The following SLC25A12 variants were observed in gnomAD, a reference collection of about 807,000 sequenced individuals.
The protein encoded by SLC25A12 is electrogenic aspartate/glutamate antiporter SLC25A12, mitochondrial.
In SLC25A12, 32 loss-of-function variants were observed where a neutral mutation model predicts 83.3. The ratio of observed to expected loss-of-function variants is 0.38; its 90% CI spans 0.29 to 0.52. The LOEUF (loss-of-function observed/expected upper bound fraction) is 0.52. Ranked by LOEUF, SLC25A12 falls within the 20% of genes least tolerant of loss-of-function variation. The pLI, the probability that SLC25A12 is intolerant of heterozygous loss-of-function variation, is 0.84. For missense variants in SLC25A12, 611 were observed against 835.6 expected (o/e 0.73, Z 3.31); for synonymous variants, 267 against 291.1 (o/e 0.92, Z 0.84).
chr2:171,810,543 G>A (rs545208294), intron 11 of SLC25A12, among the ~76,000 whole-genome samples: 1 of 152,280 alleles, frequency 6.6e-6, no homozygotes, highest in South Asian at 2.1e-4. Flanking sequence ...TTCCCAAAAA[G>A]TCCATGAAGA....
chr2:171,824,805 T>A (rs1684265306), intron 9 of SLC25A12, among the ~76,000 whole-genome samples: 1 of 151,846 alleles, frequency 6.6e-6, no homozygotes, highest in Non-Finnish European at 1.5e-5. Flanking sequence ...GGAAATAAAC[T>A]TTTTTCTTTT....
chr2:171,827,374 G>C (rs1684325205), intron 8 of SLC25A12, among the ~76,000 whole-genome samples: 1 of 152,062 alleles, frequency 6.6e-6, no homozygotes, highest in South Asian at 2.1e-4. Flanking sequence ...CAGGAGAATA[G>C]GGTCTGGAGA....
intron 9 of SLC25A12, among the ~76,000 whole-genome samples, chr2:171,816,778 A>G (rs1396244964): frequency 6.6e-6 from 1 of 152,222 alleles, no homozygotes; most frequent in Non-Finnish European, 1.5e-5. Context: ...ACAACAGTTG[A>G]AAACATATAC....
At position 171,784,886 on chromosome 2, in the gene SLC25A12, C is replaced by A; in HGVS notation, c.*388G>T. The A allele has an allele frequency of 4.7e-6, 1 of 211,396 alleles. No homozygotes were observed. Among genetic ancestry groups the A allele is most frequent in the Non-Finnish European group, 9.8e-6 (1 of 102,140 alleles). 13.1% of individuals were successfully genotyped at this position (211,396 alleles called of 1,614,324 possible). A position where few individuals can be genotyped will look rare whatever the true frequency, so the allele number is the denominator to read the frequency against. On this transcript the variant is annotated 3_prime_UTR_variant, in exon 18 of 18. Coordinates refer to ENST00000422440, the MANE Select transcript of SLC25A12 (RefSeq NM_003705.5). ...CTTAATAAAACACTTTCAAAACATT[C>A]TGTACATTTCAAGCCACTCAGAACC...
intron 5 of SLC25A12, among the ~76,000 whole-genome samples, chr2:171,841,343 G>A (rs562290325): frequency 2.0e-5 from 3 of 152,206 alleles, no homozygotes; most frequent in East Asian, 1.9e-4. Context: ...GCCCCCCAAA[G>A]TGCTGGGATT....
At chr2:171,843,590 C>A (rs147481022) in intron 5 of SLC25A12, among the ~76,000 whole-genome samples, 16 of 152,162 alleles carry the variant, frequency 1.1e-4, no homozygotes, top group Middle Eastern at 3.4e-3. Flanking sequence ...CAGGATCACA[C>A]CACTGCACTC....
chr2:171,835,549 T>C (rs1361969262), intron 6 of SLC25A12, among the ~76,000 whole-genome samples: 1 of 152,240 alleles, frequency 6.6e-6, no homozygotes. Context: ...CTTCATTACC[T>C]CTGCAGGATG....
chr2:171,845,280 T>G (rs998819483), intron 4 of SLC25A12, among the ~76,000 whole-genome samples: 1 of 152,156 alleles, frequency 6.6e-6, no homozygotes, highest in Non-Finnish European at 1.5e-5. Flanking sequence ...AACAACGTTA[T>G]TTACATTCTT....
chr2:171,849,890 C>T (rs1458414501), intron 4 of SLC25A12, among the ~76,000 whole-genome samples: 6 of 152,014 alleles, frequency 3.9e-5, no homozygotes, highest in Non-Finnish European at 7.4e-5. Flanking sequence ...CAACCTCTGC[C>T]TCCCAGGTTC....
At chr2:171,827,690 C>T (rs1320240262) in intron 8 of SLC25A12, among the ~76,000 whole-genome samples, 1 of 152,164 alleles carries the variant, frequency 6.6e-6, no homozygotes, top group East Asian at 1.9e-4. Flanking sequence ...TACATCTATG[C>T]TTTTGTCTTC....
At chr2:171,861,618 G>A (rs752033660) in intron 3 of SLC25A12, among the ~76,000 whole-genome samples, 7 of 152,214 alleles carry the variant, frequency 4.6e-5, no homozygotes, top group Non-Finnish European at 7.4e-5. Flanking sequence ...ATGTTACCCC[G>A]GTTGGTTTTG....
intron 4 of SLC25A12, among the ~76,000 whole-genome samples, chr2:171,855,369 A>G (rs1292998424): frequency 9.4e-4 from 2 of 2,126 alleles, no homozygotes; most frequent in Non-Finnish European, 2.8e-3. Flanking sequence ...ATTCAGGTTC[A>G]GAGAACACTA....
chr2:171,799,758 A>G (rs1683671655), intron 13 of SLC25A12, among the ~76,000 whole-genome samples: 1 of 152,248 alleles, frequency 6.6e-6, no homozygotes, highest in South Asian at 2.1e-4. Flanking sequence ...AACTCATTTG[A>G]GAGCACTATG....
chr2:171,816,062 CTT>C (rs761249375), intron 9 of SLC25A12, among the ~76,000 whole-genome samples: 21 of 127,488 alleles, frequency 1.6e-4, no homozygotes, highest in Non-Finnish European at 2.4e-4. Flanking sequence ...AAAAATATTC[CTT>C]TTTTTTTTTT....
intron 13 of SLC25A12, among the ~76,000 whole-genome samples, chr2:171,803,723 C>CTG (rs1469123932): frequency 6.6e-6 from 1 of 152,082 alleles, no homozygotes; most frequent in East Asian, 1.9e-4. Flanking sequence ...GAGTTCGAGG[C>CTG]TGTAGCATGT....
At chr2:171,826,045 T>C (rs1684293268) in intron 9 of SLC25A12, among the ~76,000 whole-genome samples, 1 of 152,008 alleles carries the variant, frequency 6.6e-6, no homozygotes, top group South Asian at 2.1e-4. Context: ...ACTAATTACT[T>C]TTTTTTTCCT....
At chr2:171,864,619 G>A (rs1047890014) in intron 3 of SLC25A12, among the ~76,000 whole-genome samples, 5 of 152,000 alleles carry the variant, frequency 3.3e-5, no homozygotes, top group Admixed American at 3.3e-4. Flanking sequence ...GCACACACAC[G>A]CCCCTTAATG....
chr2:171,890,393 G>A (rs1460884134), intron 2 of SLC25A12, among the ~76,000 whole-genome samples: 2 of 152,172 alleles, frequency 1.3e-5, no homozygotes, highest in Non-Finnish European at 2.9e-5. Context: ...ACTATAGTTT[G>A]AAGTATTCAA....
At chr2:171,858,449 C>A (rs954327811) in intron 3 of SLC25A12, among the ~76,000 whole-genome samples, 2 of 152,144 alleles carry the variant, frequency 1.3e-5, no homozygotes, top group African/African-American at 4.8e-5. Context: ...AATACACCTA[C>A]CCTGAAATAC....
Sources: gnomAD v4.1 joint callset for allele counts (sites outside exome capture counted in the v4.1 genomes callset) on GRCh38, gnomAD v4.1.1 for gene constraint, MANE v1.5 for transcripts, NCBI Gene and HGNC (gene_info 2026-07-23, HGNC 2026-07-21) for gene names.